Variants in SPOCK1 observed in about 807,000 individuals in gnomAD.
SPOCK1 encodes the protein SPARC (osteonectin), cwcv and kazal like domains proteoglycan 1.
SPOCK1 carries 23 observed loss-of-function variants against 55.3 expected under a neutral mutation model. The observed-to-expected ratio is 0.42, with a 90% confidence interval of 0.30 to 0.59. SPOCK1 has a LOEUF of 0.59. Among genes scored for constraint, SPOCK1 ranks in the 20% least tolerant of loss-of-function variants. The pLI, the probability that SPOCK1 is intolerant of heterozygous loss-of-function variation, is 0.22. For missense variants in SPOCK1, 499 were observed against 552.5 expected (o/e 0.90, Z 0.97); for synonymous variants, 226 against 221.0 (o/e 1.02, Z -0.20).
At chr5:137,440,989 G>A (rs1226969221) in intron 2 of SPOCK1, among the ~76,000 whole-genome samples, 3 of 152,206 alleles carry the variant, frequency 2.0e-5, no homozygotes, top group African/African-American at 4.8e-5. Flanking sequence ...GGCAGTAATA[G>A]TTCTTTAATA....
At chr5:137,133,195 C>T (rs1753916936) in intron 4 of SPOCK1, among the ~76,000 whole-genome samples, 1 of 151,884 alleles carries the variant, frequency 6.6e-6, no homozygotes, top group Admixed American at 6.6e-5. Context: ...CAGCGAAACC[C>T]CACCTCTACT....
intron 3 of SPOCK1, among the ~76,000 whole-genome samples, chr5:137,163,310 T>G (rs181454188): frequency 2.0e-5 from 3 of 152,154 alleles, no homozygotes; most frequent in African/African-American, 7.2e-5. Flanking sequence ...GCAAGAGAGG[T>G]GGCGTGGCTG....
chr5:137,385,946 C>A (rs764344283), intron 2 of SPOCK1, among the ~76,000 whole-genome samples: 28 of 152,116 alleles, frequency 1.8e-4, no homozygotes, highest in Admixed American at 1.8e-3. Flanking sequence ...CTGCCACAGA[C>A]GACATGTAAA....
intron 3 of SPOCK1, among the ~76,000 whole-genome samples, chr5:137,164,743 C>A (rs1754616453): frequency 6.6e-6 from 1 of 152,082 alleles, no homozygotes; most frequent in South Asian, 2.1e-4. Flanking sequence ...ACTAAAGATC[C>A]CTTAGGCCTT....
At chr5:137,208,708 G>C (rs918952504) in intron 3 of SPOCK1, among the ~76,000 whole-genome samples, 1 of 152,136 alleles carries the variant, frequency 6.6e-6, no homozygotes, top group African/African-American at 2.4e-5. Flanking sequence ...GACAGCTACA[G>C]GTGGGAGGGA....
intron 2 of SPOCK1, among the ~76,000 whole-genome samples, chr5:137,413,234 T>G (rs979883451): frequency 4.6e-5 from 7 of 151,962 alleles, no homozygotes; most frequent in East Asian, 1.9e-4. Flanking sequence ...CTATTTTGGG[T>G]TTTTTTTCCC....
chr5:137,290,318 T>G (rs1221682406), intron 2 of SPOCK1, among the ~76,000 whole-genome samples: 1 of 152,182 alleles, frequency 6.6e-6, no homozygotes, highest in African/African-American at 2.4e-5. Flanking sequence ...TAACAGTGAC[T>G]GACAAAAGGC....
chr5:137,396,382 G>A (rs1751848674), intron 2 of SPOCK1, among the ~76,000 whole-genome samples: 2 of 152,228 alleles, frequency 1.3e-5, no homozygotes, highest in South Asian at 4.1e-4. Flanking sequence ...TAATTTACAT[G>A]AAGGTGTATT....
At chr5:137,279,641 C>T (rs576671048) in intron 2 of SPOCK1, among the ~76,000 whole-genome samples, 1 of 152,332 alleles carries the variant, frequency 6.6e-6, no homozygotes, top group African/African-American at 2.4e-5. Flanking sequence ...GTCTCCTGCA[C>T]CTCTCAGTCT....
At chr5:137,453,678 C>T (rs577004440) in intron 2 of SPOCK1, among the ~76,000 whole-genome samples, 27 of 152,270 alleles carry the variant, frequency 1.8e-4, no homozygotes, top group African/African-American at 6.5e-4. Context: ...ATCAGCACCA[C>T]GGACAGTTCC....
chr5:137,493,707 G>C (rs992600826), intron 2 of SPOCK1, among the ~76,000 whole-genome samples: 6 of 152,150 alleles, frequency 3.9e-5, no homozygotes, highest in Non-Finnish European at 7.3e-5. Flanking sequence ...AAGTCTCCTT[G>C]AACCTGTTTA....
chr5:137,226,397 A>G (rs912016440), intron 3 of SPOCK1, among the ~76,000 whole-genome samples: 4 of 152,230 alleles, frequency 2.6e-5, no homozygotes, highest in African/African-American at 7.2e-5. Flanking sequence ...GGGGTGAAGC[A>G]TCATGCTGCA....
At chr5:137,277,397 TAG>T (rs1324287457) in intron 2 of SPOCK1, among the ~76,000 whole-genome samples, 2 of 152,188 alleles carry the variant, frequency 1.3e-5, no homozygotes, top group Admixed American at 1.3e-4. Context: ...TTCACACAGC[TAG>T]TGAGAAGCAG....
At chr5:137,196,441 C>T (rs1174969461) in intron 3 of SPOCK1, among the ~76,000 whole-genome samples, 1 of 152,236 alleles carries the variant, frequency 6.6e-6, no homozygotes, top group East Asian at 1.9e-4. Context: ...CAGCTGGTCC[C>T]TCTGTGGCAT....
chr5:137,416,671 A>G (rs890527716), intron 2 of SPOCK1, among the ~76,000 whole-genome samples: 5 of 152,144 alleles, frequency 3.3e-5, no homozygotes, highest in Non-Finnish European at 7.4e-5. Context: ...CAAAAATAAT[A>G]TTAATAAGAA....
intron 2 of SPOCK1, among the ~76,000 whole-genome samples, chr5:137,284,472 A>G (rs1210724060): frequency 2.0e-5 from 3 of 152,206 alleles, no homozygotes; most frequent in Non-Finnish European, 4.4e-5. Context: ...AACATGAGTG[A>G]ACACAGGATT....
chr5:137,059,139 A>ACCTCTGGGGTGGTTCCTCTGTG (rs1444285119), intron 6 of SPOCK1, among the ~76,000 whole-genome samples: 2 of 151,964 alleles, frequency 1.3e-5, no homozygotes, highest in Admixed American at 6.6e-5. Flanking sequence ...GATGTCTTAA[A>ACCTCTGGGGTGGTTCCTCTGTG]GTTTGATTTT....
At chr5:137,298,779 G>T (rs1403266316) in intron 2 of SPOCK1, among the ~76,000 whole-genome samples, 1 of 151,954 alleles carries the variant, frequency 6.6e-6, no homozygotes, top group Admixed American at 6.6e-5. Context: ...TTCTTTTAAG[G>T]TCTATTATCT....
At chr5:137,374,683 C>T (rs947924909) in intron 2 of SPOCK1, among the ~76,000 whole-genome samples, 1 of 152,202 alleles carries the variant, frequency 6.6e-6, no homozygotes, top group Non-Finnish European at 1.5e-5. Flanking sequence ...GCGCTCACCA[C>T]ACCATTTATG....
Sources: gnomAD v4.1 joint callset for allele counts (sites outside exome capture counted in the v4.1 genomes callset) on GRCh38, gnomAD v4.1.1 for gene constraint, MANE v1.5 for transcripts, NCBI Gene and HGNC (gene_info 2026-07-23, HGNC 2026-07-21) for gene names.